Variants in DNER observed in about 807,000 individuals in gnomAD.
DNER encodes the protein delta/notch like EGF repeat containing, also known as delta and Notch-like epidermal growth factor-related receptor.
In DNER, 33 loss-of-function variants were observed where a neutral mutation model predicts 78.2. That is an observed-to-expected ratio of 0.42 (90% CI 0.32 to 0.56). DNER has a LOEUF of 0.56. Ranked by LOEUF, DNER falls within the 20% of genes least tolerant of loss-of-function variation. DNER has a pLI of 0.11. For synonymous variants in DNER, 417 were observed against 384.8 expected (o/e 1.08, Z -0.98); for missense variants, 918 against 975.3 (o/e 0.94, Z 0.78).
At chr2:229,674,968 C>T (rs865843934) in intron 1 of DNER, among the ~76,000 whole-genome samples, 1 of 152,152 alleles carries the variant, frequency 6.6e-6, no homozygotes, top group African/African-American at 2.4e-5. Context: ...CAAGGACATT[C>T]GCAAGCCATC....
At chr2:229,657,925 T>TTA (rs1553549295) in intron 1 of DNER, among the ~76,000 whole-genome samples, 4 of 149,848 alleles carry the variant, frequency 2.7e-5, no homozygotes, top group African/African-American at 9.8e-5. Flanking sequence ...ATCATTAATT[T>TTA]AAAAAAAAAA....
chr2:229,420,891 C>T (rs549892401), intron 8 of DNER, among the ~76,000 whole-genome samples: 6 of 152,306 alleles, frequency 3.9e-5, no homozygotes, highest in African/African-American at 1.4e-4. Context: ...AGAACCACCA[C>T]ATGATCCAGC....
intron 11 of DNER, among the ~76,000 whole-genome samples, chr2:229,369,426 C>A (rs11320248): frequency 0.016 from 2,136 of 129,978 alleles, 135 homozygotes; most frequent in African/African-American, 0.061. Context: ...AAAAGTTAAA[C>A]AAAAAGTTTC....
At chr2:229,447,204 T>C in intron 8 of DNER, 112 bp downstream of exon 8, 1 of 1,086,280 alleles carries the variant, frequency 9.2e-7, no homozygotes, top group East Asian at 2.6e-5. Context: ...TACCAGTAAG[T>C]ATACCACTTT....
intron 8 of DNER, among the ~76,000 whole-genome samples, chr2:229,424,481 A>G (rs1018509643): frequency 4.6e-5 from 7 of 152,050 alleles, no homozygotes; most frequent in Non-Finnish European, 1.0e-4. Flanking sequence ...ATTTTCCCAG[A>G]GTTTTGGAGG....
chr2:229,532,958 G>A (rs1308687455), intron 5 of DNER, among the ~76,000 whole-genome samples: 1 of 152,172 alleles, frequency 6.6e-6, no homozygotes, highest in Non-Finnish European at 1.5e-5. Flanking sequence ...AAATGGAAGA[G>A]AAGGGGTTGA....
At position 229,392,001 on chromosome 2, in the gene DNER, G is replaced by A. The variant is rs116963534; in HGVS notation, c.1724-3605C>T. Among the ~76,000 whole-genome samples, 111 of 152,172 alleles carry A rather than the reference G, an allele frequency of 7.3e-4. 1 individual carries two copies. The East Asian group carries it at 0.02, about 27-fold the overall frequency. On this transcript the variant is annotated intron_variant, in intron 10 of 12. Coordinates refer to ENST00000341772, the MANE Select transcript of DNER (RefSeq NM_139072.4). Reference sequence around the variant, plus strand: ...AAAGACAAAACCATCCAAAGTCACCGCTGTTAGTAAATCCTTGGGTTAACA... The same window carrying A: ...AAAGACAAAACCATCCAAAGTCACCACTGTTAGTAAATCCTTGGGTTAACA...
chr2:229,581,642 G>A (rs1697398932), intron 4 of DNER, among the ~76,000 whole-genome samples: 2 of 152,172 alleles, frequency 1.3e-5, no homozygotes, highest in African/African-American at 4.8e-5. Context: ...TAACAAGGCA[G>A]TGGTCATGAA....
chr2:229,546,318 G>C (rs747799075), intron 5 of DNER, among the ~76,000 whole-genome samples: 2 of 152,212 alleles, frequency 1.3e-5, no homozygotes, highest in Non-Finnish European at 2.9e-5. Flanking sequence ...AAATACTCAT[G>C]TCCTATGTCC....
chr2:229,436,736 C>A (rs1397365115), intron 8 of DNER, among the ~76,000 whole-genome samples: 1 of 152,158 alleles, frequency 6.6e-6, no homozygotes, highest in Non-Finnish European at 1.5e-5. Context: ...GCTTTTTGAA[C>A]AAGCAAATGT....
At chr2:229,373,054 A>G (rs1692522058) in intron 11 of DNER, among the ~76,000 whole-genome samples, 1 of 152,176 alleles carries the variant, frequency 6.6e-6, no homozygotes, top group African/African-American at 2.4e-5. Context: ...AAGAACATAT[A>G]ACTAAATCCT....
intron 4 of DNER, among the ~76,000 whole-genome samples, chr2:229,550,262 G>T (rs1304110156): frequency 6.6e-6 from 1 of 151,818 alleles, no homozygotes. Flanking sequence ...CAAAGTGCTG[G>T]GATTACAGGC....
At chr2:229,498,403 A>G (rs577016642) in intron 6 of DNER, among the ~76,000 whole-genome samples, 289 of 152,328 alleles carry the variant, frequency 1.9e-3, no homozygotes, top group Non-Finnish European at 3.5e-3. Context: ...TTGAACATAT[A>G]ACTTAATATA....
intron 7 of DNER, among the ~76,000 whole-genome samples, chr2:229,451,484 AAC>A (rs1431158280): frequency 1.3e-5 from 2 of 152,022 alleles, no homozygotes; most frequent in Non-Finnish European, 2.9e-5. Context: ...ATAAATAAAT[AAC>A]AGCAACAGCT....
chr2:229,628,887 G>C (rs143817731), intron 1 of DNER, among the ~76,000 whole-genome samples: 1 of 152,296 alleles, frequency 6.6e-6, no homozygotes, highest in East Asian at 1.9e-4. Flanking sequence ...GACCACTGAC[G>C]TTTCCATCTT....
At chr2:229,688,916 G>A (rs534505479) in intron 1 of DNER, among the ~76,000 whole-genome samples, 14 of 152,244 alleles carry the variant, frequency 9.2e-5, no homozygotes, top group Admixed American at 3.3e-4. Context: ...GCATGTTCTC[G>A]CTTATTAGTG....
chr2:229,530,255 G>A (rs951653797), intron 5 of DNER, among the ~76,000 whole-genome samples: 2 of 152,086 alleles, frequency 1.3e-5, no homozygotes, highest in Admixed American at 6.5e-5. Context: ...CCAGATTCCT[G>A]CCAAAATATT....
intron 1 of DNER, among the ~76,000 whole-genome samples, chr2:229,660,307 G>A (rs748870729): frequency 6.6e-6 from 1 of 152,102 alleles, no homozygotes; most frequent in Non-Finnish European, 1.5e-5. Context: ...CCCAATGTGT[G>A]TCTTTCCCCT....
At position 229,710,981 on chromosome 2, in the gene DNER, G is replaced by GCACA. The variant is rs1215822693; in HGVS notation, c.276+3166_276+3167insTGTG. Among the ~76,000 whole-genome samples, 210 of 80,700 alleles carry GCACA rather than the reference G, an allele frequency of 2.6e-3. 3 individuals are homozygous for GCACA. The highest frequency in any genetic ancestry group is 0.011 in the African/African-American group (194 of 17,288). 52.9% of individuals were successfully genotyped at this position (80,700 alleles called of 152,430 possible). A position where few individuals can be genotyped will look rare whatever the true frequency, so the allele number is the denominator to read the frequency against. ...GAGACTGAAAATGGCATGCATACAC[G>GCACA]CGCACACACACACACACACACACAC... On this transcript the variant is annotated intron_variant, in intron 1 of 12. Transcript: ENST00000341772.
Sources: gnomAD v4.1 joint callset for allele counts (sites outside exome capture counted in the v4.1 genomes callset) on GRCh38, gnomAD v4.1.1 for gene constraint, MANE v1.5 for transcripts, NCBI Gene and HGNC (gene_info 2026-07-23, HGNC 2026-07-21) for gene names.